Variants in FCGR3A observed in about 807,000 individuals in gnomAD.
The protein encoded by FCGR3A is Fc gamma receptor IIIa, also known as low affinity immunoglobulin gamma Fc region receptor III-A.
A neutral mutation model predicts 24.1 loss-of-function variants in FCGR3A; 13 were observed. The ratio of observed to expected loss-of-function variants is 0.54; its 90% CI spans 0.35 to 0.86. The LOEUF (loss-of-function observed/expected upper bound fraction) is 0.86, where lower values mean the gene tolerates loss of function less well. Among genes scored for constraint, FCGR3A ranks in the 40% least tolerant of loss-of-function variants. FCGR3A has a pLI of 0.01. For synonymous variants in FCGR3A, 93 were observed against 112.2 expected (o/e 0.83, Z 1.08); for missense variants, 235 against 298.0 (o/e 0.79, Z 1.56).
rs1353529750 is a variant in FCGR3A, at chr1:161,549,053, A to C, written c.41-22T>G. 23 of 1,579,896 alleles carry C rather than the reference A, an allele frequency of 1.5e-5. 1 individual carries two copies. Among genetic ancestry groups the C allele is most frequent in the Middle Eastern group, 1.7e-4 (1 of 5,908 alleles). On this transcript the variant is annotated intron_variant, in intron 1 of 4. Transcript: ENST00000443193. ...GAAACTGCAAGAAAAAAGATAAATCAAATATTGAGTAGGGGCAGAGATCAG... is the reference window on the plus strand; with the variant it reads ...GAAACTGCAAGAAAAAAGATAAATCCAATATTGAGTAGGGGCAGAGATCAG...
At chr1:161,544,011 G>A (rs1350376800) in intron 4 of FCGR3A, among the ~76,000 whole-genome samples, 2 of 152,294 alleles carry the variant, frequency 1.3e-5, no homozygotes. Flanking sequence ...AGGCTTTGAA[G>A]TCTTTGATGT....
chr1:161,546,676 T>A (rs1244833368), intron 3 of FCGR3A, among the ~76,000 whole-genome samples: 1 of 151,650 alleles, frequency 6.6e-6, no homozygotes, highest in Non-Finnish European at 1.5e-5. Context: ...GAGGCCGAGG[T>A]GGGCAGATCA....
intron 3 of FCGR3A, 68 bp from the exon 4 acceptor site, chr1:161,545,026 A>T: frequency 6.3e-7 from 1 of 1,581,888 alleles, no homozygotes; most frequent in Non-Finnish European, 8.6e-7. Flanking sequence ...TGAAGGGGCC[A>T]CGTACCACCC....
chr1:161,545,889 T>C (rs1677369907), intron 3 of FCGR3A: 1 of 152,072 alleles, frequency 6.6e-6, no homozygotes, highest in African/African-American at 2.4e-5. Flanking sequence ...TTTTAAAAAG[T>C]ATTATGCACA....
chr1:161,544,859 G>A lies in FCGR3A; in HGVS notation c.419C>T (p.Thr140Ile). The change falls in exon 4 of 5, where the codon ACA becomes ATA. Residue 140 changes from threonine to isoleucine, a missense_variant. Coordinates refer to ENST00000443193, the MANE Select transcript of FCGR3A (RefSeq NM_000569.8). ...CCTGCCTTTGCCATTCTGTAAATAT[G>A]TGACCTTATGCAGAGCAGTGTTCTT... ...SWKNTALHKV[T>I]YLQNGKGRKY... 1 of 1,613,884 alleles carries A rather than the reference G, an allele frequency of 6.2e-7. No individual in the cohort carries two copies. The highest frequency in any genetic ancestry group is 1.6e-4 in the Middle Eastern group (1 of 6,062).
At chr1:161,550,685 T>A (rs1055625872), upstream of FCGR3A, 14 of 152,604 alleles carry the variant, frequency 9.2e-5, no homozygotes, top group Admixed American at 6.5e-4. Context: ...TGTTAACCTC[T>A]TCTCTTCTCT....
At chr1:161,546,989 G>C (rs1052314956) in intron 3 of FCGR3A, among the ~76,000 whole-genome samples, 11 of 151,974 alleles carry the variant, frequency 7.2e-5, no homozygotes, top group Admixed American at 2.0e-4. Context: ...AAGTGAAATG[G>C]GTCCTAAAGG....
upstream of FCGR3A, chr1:161,549,877 CT>C: frequency 6.2e-7 from 1 of 1,606,902 alleles, no homozygotes; most frequent in Non-Finnish European, 8.5e-7. Flanking sequence ...TTTCTTGAAA[CT>C]TCATCTGACT....
In FCGR3A at chr1:161,549,046, A is replaced by AG. The variant is rs11442292; in HGVS notation, c.41-16_41-15insC. On this transcript the variant is annotated splice_polypyrimidine_tract_variant and intron_variant, in intron 1 of 4. Transcript: ENST00000443193. ...GCCAGCTGAAACTGCAAGAAAAAAGATAAATCAAATATTGAGTAGGGGCAG... is the reference window on the plus strand; with the variant it reads ...GCCAGCTGAAACTGCAAGAAAAAAGAGTAAATCAAATATTGAGTAGGGGCAG... 23,932 of 1,534,922 alleles carry AG rather than the reference A, an allele frequency of 0.016. 2,379 individuals carry two copies. The highest frequency in any genetic ancestry group is 0.037 in the Middle Eastern group (209 of 5,642).
rs200229504 is a variant in FCGR3A, at chr1:161,549,703, G to A, written c.34C>T (p.Leu12Phe). The A allele has an allele frequency of 1.7e-4, 275 of 1,613,718 alleles. 3 individuals are homozygous for A. The highest frequency in any genetic ancestry group is 2.1e-4 in the Non-Finnish European group (246 of 1,179,898). The stretch of plus-strand genomic sequence containing the variant: ...CAGGGAGACCCTGACTTACCTAGAA[G>A]TAGCAGAGCAGTTGGGAGGAGCAGC... ...WQLLLPTALL[L>F]LVSAGMRTED... The change falls in exon 1 of 5, where the codon CTT becomes TTT. Residue 12 changes from leucine to phenylalanine, a missense_variant. Physicochemically the swap from Leu to Phe is conservative, Grantham distance 22. Transcript: ENST00000443193.
At position 161,544,922 on chromosome 1, in the gene FCGR3A, T is replaced by A. The variant is rs1677316655; in HGVS notation, c.356A>T (p.Lys119Met). 3 of 1,612,480 alleles carry A rather than the reference T, an allele frequency of 1.9e-6. No individual in the cohort carries two copies. Among genetic ancestry groups the A allele is most frequent in the Non-Finnish European group, 1.7e-6 (2 of 1,178,980 alleles). ...CCTCAGGTGAATAGGGTCTTCCTCC[T>A]TGAACACCCACCGAGGGGCCTGGAG... ...LLLQAPRWVFKEEDPIHLRCH... is the reference protein window; with the variant it reads ...LLLQAPRWVFMEEDPIHLRCH... The change falls in exon 4 of 5, where the codon AAG becomes ATG. Residue 119 changes from lysine (K) to methionine (M), a missense_variant. Coordinates refer to ENST00000443193, the MANE Select transcript of FCGR3A (RefSeq NM_000569.8).
Position 161,543,064 on chromosome 1 carries a change from C to T in FCGR3A, c.713G>A (p.Arg238Lys). 1 of 1,613,418 alleles carries T rather than the reference C, an allele frequency of 6.2e-7. No homozygotes were observed. ...TTTAAATTTATGGTCCTTCCAGTCTCTTGTTGAGCTTCGAATGTTTGTCTT... is the reference window on the plus strand; with the variant it reads ...TTTAAATTTATGGTCCTTCCAGTCTTTTGTTGAGCTTCGAATGTTTGTCTT... ...SVKTNIRSST[R>K]DWKDHKFKWR... Residue 238 changes from arginine to lysine, a missense_variant, in exon 5 of 5, where the codon AGA becomes AAA. Coordinates refer to ENST00000443193, the MANE Select transcript of FCGR3A (RefSeq NM_000569.8).
chr1:161,545,699 G>C (rs1184988193), intron 3 of FCGR3A: 6 of 152,014 alleles, frequency 3.9e-5, no homozygotes, highest in African/African-American at 7.3e-5. Flanking sequence ...TATATCGCCA[G>C]AGCTTATTCT....
At chr1:161,546,938 A>C (rs1476498690) in intron 3 of FCGR3A, among the ~76,000 whole-genome samples, 1 of 151,868 alleles carries the variant, frequency 6.6e-6, no homozygotes, top group Non-Finnish European at 1.5e-5. Flanking sequence ...CAAACAAACA[A>C]ACAAAAAAAG....
At chr1:161,547,395 C>T (rs1350151892) in intron 3 of FCGR3A, among the ~76,000 whole-genome samples, 1 of 152,116 alleles carries the variant, frequency 6.6e-6, no homozygotes, top group East Asian at 1.9e-4. Context: ...ATGAATGGAA[C>T]AGCCGTGGAA....
In FCGR3A at chr1:161,544,912, G is replaced by A. The variant is rs1190521194; in HGVS notation, c.366C>T (p.Asp122=). 5 of 1,613,098 alleles carry A rather than the reference G, an allele frequency of 3.1e-6. No homozygotes were observed. The highest frequency in any genetic ancestry group is 3.4e-6 in the Non-Finnish European group (4 of 1,179,412). The change falls in exon 4 of 5, where the codon GAC becomes GAT. Residue 122 remains aspartate (D), a synonymous_variant. Coordinates refer to ENST00000443193, the MANE Select transcript of FCGR3A (RefSeq NM_000569.8). Reference sequence around the variant, plus strand: ...AGCTGTGACACCTCAGGTGAATAGGGTCTTCCTCCTTGAACACCCACCGAG... The same window carrying A: ...AGCTGTGACACCTCAGGTGAATAGGATCTTCCTCCTTGAACACCCACCGAG... ...QAPRWVFKEE[D]PIHLRCHSWK...
At chr1:161,549,501 G>A (rs568264) in intron 1 of FCGR3A, among the ~76,000 whole-genome samples, 196 bp downstream of exon 1, 1 of 152,168 alleles carries the variant, frequency 6.6e-6, no homozygotes, top group Admixed American at 6.5e-5. Flanking sequence ...TCACTCATGA[G>A]TATGCCCCAA....
intron 2 of FCGR3A, 77 bp downstream of exon 2, chr1:161,548,934 G>A: frequency 3.3e-6 from 5 of 1,498,660 alleles, no homozygotes; most frequent in Non-Finnish European, 3.7e-6. Flanking sequence ...CATTCAACAA[G>A]CATTTCCCAA....
chr1:161,548,543 A>C lies in FCGR3A; in HGVS notation c.197T>G (p.Leu66Arg), dbSNP rs10127939. ...NSTQWFHNES[L>R]ISSQASSYFI... The stretch of plus-strand genomic sequence containing the variant: ...GTAGCTCGAGGCCTGGCTTGAGATG[A>C]GGCTCTCATTGTGAAACCACTGTGT... Residue 66 changes from leucine to arginine, a missense_variant, in exon 3 of 5, where the codon CTC becomes CGC. Leu to Arg is a moderately radical substitution (Grantham distance 102). Transcript: ENST00000443193. 0.043 allele frequency: 70,044 copies of C among 1,612,082 alleles called. 540 individuals are homozygous for C. The highest frequency in any genetic ancestry group is 0.088 in the Middle Eastern group (531 of 6,048).
Sources: allele counts gnomAD v4.1 joint callset (sites outside exome capture counted in the v4.1 genomes callset), GRCh38; gene constraint gnomAD v4.1.1; transcripts MANE v1.5; gene names NCBI Gene and HGNC (gene_info 2026-07-23, HGNC 2026-07-21).